Variants in DCAF6 observed in about 807,000 individuals in gnomAD.
DCAF6 encodes DDB1- and CUL4-associated factor 6.
In DCAF6, 54 loss-of-function variants were observed where a neutral mutation model predicts 125.1. That is an observed-to-expected ratio of 0.43 (90% CI 0.35 to 0.54). The LOEUF is 0.54. Ranked by LOEUF, DCAF6 falls within the 20% of genes least tolerant of loss-of-function variation. The pLI, the probability that DCAF6 is intolerant of heterozygous loss-of-function variation, is 0.01. For missense variants in DCAF6, 934 were observed against 1,161.7 expected (o/e 0.80, Z 2.85); for synonymous variants, 371 against 390.4 (o/e 0.95, Z 0.58).
At chr1:168,018,935 A>T (rs1685320711) in intron 11 of DCAF6, among the ~76,000 whole-genome samples, 1 of 152,114 alleles carries the variant, frequency 6.6e-6, no homozygotes, top group African/African-American at 2.4e-5. Context: ...ATTTATTTAG[A>T]TAGTGTAGCT....
the DCAF6 span, chr1:167,920,734 C>A: frequency 1.0e-5 from 12 of 1,154,806 alleles, no homozygotes; most frequent in Admixed American, 2.9e-5. Flanking sequence ...CGTAAGTTAG[C>A]AGCTATAATT....
the DCAF6 span, among the ~76,000 whole-genome samples, chr1:167,902,685 G>T: frequency 1.3e-5 from 2 of 152,194 alleles, no homozygotes; most frequent in Admixed American, 6.5e-5. Context: ...GTAACATCAA[G>T]ATATTACTAA....
At chr1:167,968,800 A>G (rs1183790857) in intron 3 of DCAF6, among the ~76,000 whole-genome samples, 1 of 152,264 alleles carries the variant, frequency 6.6e-6, no homozygotes, top group East Asian at 1.9e-4. Context: ...CATCATGCCA[A>G]CTGGCAAAGG....
chr1:167,915,750 C>T, the DCAF6 span, among the ~76,000 whole-genome samples: 1 of 152,154 alleles, frequency 6.6e-6, no homozygotes, highest in South Asian at 2.1e-4. Flanking sequence ...CGCGCCTGGC[C>T]CGTTTCCTGA....
chr1:168,045,907 A>G lies in DCAF6; in HGVS notation c.2258+680A>G, dbSNP rs138948724. On this transcript the variant is annotated intron_variant, in intron 16 of 21. Transcript: ENST00000367840. ...AACTATTTCTATTATTAGTGCTATC[A>G]TATCTTATTGTAAGTTCTGTCCTCT... Among the ~76,000 whole-genome samples the G allele has an allele frequency of 1.2e-3, 190 of 152,226 alleles. 1 individual carries two copies. The highest frequency in any genetic ancestry group is 4.3e-3 in the African/African-American group (179 of 41,570).
chr1:167,897,996 T>TAA, the DCAF6 span, among the ~76,000 whole-genome samples: 1 of 3,464 alleles, frequency 2.9e-4, no homozygotes, highest in Non-Finnish European at 1.1e-3. Context: ...AGACTCTGTC[T>TAA]CAAAAAAAAA....
chr1:167,883,024 C>G, the DCAF6 span, among the ~76,000 whole-genome samples: 1 of 152,110 alleles, frequency 6.6e-6, no homozygotes, highest in Non-Finnish European at 1.5e-5. Flanking sequence ...AAAGACTGGC[C>G]TTCTAGGTTA....
chr1:167,941,873 GGTAA>G (rs898036921), intron 1 of DCAF6, among the ~76,000 whole-genome samples: 7 of 152,066 alleles, frequency 4.6e-5, no homozygotes, highest in Non-Finnish European at 8.8e-5. Flanking sequence ...TGACTTGTAT[GGTAA>G]GTATGTTTAA....
the DCAF6 span, among the ~76,000 whole-genome samples, chr1:167,903,374 G>A: frequency 2.0e-5 from 3 of 152,120 alleles, no homozygotes; most frequent in Non-Finnish European, 4.4e-5. Flanking sequence ...GACCAGCCTG[G>A]CCAACATGGT....
chr1:168,045,570 A>G (rs890960606), intron 16 of DCAF6, among the ~76,000 whole-genome samples: 1 of 152,200 alleles, frequency 6.6e-6, no homozygotes, highest in Non-Finnish European at 1.5e-5. Context: ...TCTTGTAGAT[A>G]TCCAGGCCTT....
the DCAF6 span, among the ~76,000 whole-genome samples, chr1:167,925,598 G>A: frequency 6.8e-6 from 1 of 146,200 alleles, no homozygotes; most frequent in Non-Finnish European, 1.5e-5. Flanking sequence ...CCAGGCTGGA[G>A]TGCAATGGCA....
upstream of DCAF6, among the ~76,000 whole-genome samples, chr1:167,935,274 C>A (rs1281412906): frequency 6.6e-6 from 1 of 152,228 alleles, no homozygotes; most frequent in Non-Finnish European, 1.5e-5. Context: ...AGGGCTCAGT[C>A]TGCAGGCCTC....
At chr1:168,053,964 C>A (rs548659653) in intron 17 of DCAF6, among the ~76,000 whole-genome samples, 42 of 152,220 alleles carry the variant, frequency 2.8e-4, no homozygotes, top group African/African-American at 8.7e-4. Flanking sequence ...CCTTTATTTA[C>A]TAATACATTG....
At chr1:168,035,253 C>T (rs534429676) in intron 12 of DCAF6, among the ~76,000 whole-genome samples, 2 of 152,286 alleles carry the variant, frequency 1.3e-5, no homozygotes, top group Admixed American at 1.3e-4. Context: ...AAAGACCAGC[C>T]TGGGCAACAT....
intron 12 of DCAF6, among the ~76,000 whole-genome samples, chr1:168,029,622 A>T (rs1402933851): frequency 6.6e-6 from 1 of 152,106 alleles, no homozygotes; most frequent in Non-Finnish European, 1.5e-5. Context: ...CCACAACCAT[A>T]TGTAGTTGGT....
chr1:167,970,386 C>G (rs945437122), intron 3 of DCAF6, among the ~76,000 whole-genome samples: 1 of 152,154 alleles, frequency 6.6e-6, no homozygotes, highest in African/African-American at 2.4e-5. Context: ...GTGTGTGGCT[C>G]ACGCTTATAA....
At position 168,025,786 on chromosome 1, in the gene DCAF6, T is replaced by A. The variant is rs559056114; in HGVS notation, c.1609+2739T>A. 3.3e-5 allele frequency among the ~76,000 whole-genome samples: 5 copies of A among 152,320 alleles called. No homozygotes were observed. In the South Asian group the frequency reaches 1.0e-3, roughly 32 times the overall value. ...GCAGCCAGAGTGAAACTTCAAGATG[T>A]AAATATAATCATGTGATTCATCTGC... On this transcript the variant is annotated intron_variant, in intron 12 of 21. Transcript: ENST00000367840.
chr1:167,894,425 A>G, the DCAF6 span, among the ~76,000 whole-genome samples: 5 of 151,924 alleles, frequency 3.3e-5, no homozygotes, highest in African/African-American at 1.2e-4. Flanking sequence ...GTTGCCTCCT[A>G]TTTCCTCACC....
rs886856941 is a variant in DCAF6 at position 167,939,252 on chromosome 1, A to T, written c.97+2244A>T. On this transcript the variant is annotated intron_variant, in intron 1 of 21. Transcript: ENST00000367840. Reference sequence around the variant, plus strand: ...GTTTGAATTAGTGATGGTTTTTTTTAAAAAATGACTTTCCCTCCCAGTTTT... The same window carrying T: ...GTTTGAATTAGTGATGGTTTTTTTTTAAAAATGACTTTCCCTCCCAGTTTT... Among the ~76,000 whole-genome samples, 7 of 152,102 alleles carry T rather than the reference A, an allele frequency of 4.6e-5. 1 individual carries two copies. In the South Asian group the frequency reaches 8.3e-4, roughly 18 times the overall value.
Sources: allele counts gnomAD v4.1 joint callset (sites outside exome capture counted in the v4.1 genomes callset), GRCh38; gene constraint gnomAD v4.1.1; transcripts MANE v1.5; gene names NCBI Gene and HGNC (gene_info 2026-07-23, HGNC 2026-07-21).